The following PRKG1 variants were observed in gnomAD, a reference collection of about 807,000 sequenced individuals.
The protein encoded by PRKG1 is cGMP-dependent protein kinase 1.
PRKG1 carries 35 observed loss-of-function variants against 88.1 expected under a neutral mutation model. That is an observed-to-expected ratio of 0.40 (90% CI 0.30 to 0.53). The LOEUF (loss-of-function observed/expected upper bound fraction) is 0.53, where lower values mean the gene tolerates loss of function less well. Ranked by LOEUF, PRKG1 falls within the 20% of genes least tolerant of loss-of-function variation. The probability of loss-of-function intolerance (pLI) is 0.59; values close to 1 mark genes in which losing one functional copy is unlikely to be tolerated. For synonymous variants in PRKG1, 303 were observed against 292.5 expected (o/e 1.04, Z -0.37); for missense variants, 540 against 839.8 (o/e 0.64, Z 4.41).
Position 51,803,763 on chromosome 10 carries a change from A to C in PRKG1, c.593-822A>C, listed in dbSNP as rs537914204. 2.7e-4 allele frequency among the ~76,000 whole-genome samples: 41 copies of C among 152,274 alleles called. No homozygotes were observed. In the East Asian group the frequency reaches 7.9e-3, roughly 29 times the overall value. The stretch of plus-strand genomic sequence containing the variant: ...CTAGCTTAAAATATTTTATGTCATG[A>C]AAATTTGAAAACATATATAAAAGTA... On this transcript the variant is annotated intron_variant, in intron 3 of 17. Transcript: ENST00000373980.
chr10:51,351,223 A>G (rs1303672488), intron 2 of PRKG1, among the ~76,000 whole-genome samples: 1 of 152,170 alleles, frequency 6.6e-6, no homozygotes, highest in Non-Finnish European at 1.5e-5. Flanking sequence ...AAACATATGC[A>G]TGCATGTGTC....
At chr10:51,804,184 G>A (rs1271400964) in intron 3 of PRKG1, among the ~76,000 whole-genome samples, 1 of 152,040 alleles carries the variant, frequency 6.6e-6, no homozygotes, top group Non-Finnish European at 1.5e-5. Context: ...ATTGTCATAT[G>A]AGTCATTAAC....
intron 9 of PRKG1, among the ~76,000 whole-genome samples, chr10:52,244,659 TAAATA>T (rs1840957548): frequency 7.4e-6 from 1 of 135,216 alleles, no homozygotes; most frequent in Non-Finnish European, 1.6e-5. Flanking sequence ...CTGACAGAAG[TAAATA>T]AAATATTTAT....
At chr10:51,615,080 T>G (rs949773063) in intron 3 of PRKG1, among the ~76,000 whole-genome samples, 12 of 131,066 alleles carry the variant, frequency 9.2e-5, no homozygotes, top group Middle Eastern at 3.9e-3. Flanking sequence ...TATATTCAAC[T>G]TTGAATATAT....
At chr10:51,060,449 G>T (rs1022538407) in intron 1 of PRKG1, among the ~76,000 whole-genome samples, 1 of 151,780 alleles carries the variant, frequency 6.6e-6, no homozygotes, top group Middle Eastern at 3.3e-3. Flanking sequence ...CCATCAATTT[G>T]TTATTTATAC....
intron 1 of PRKG1, among the ~76,000 whole-genome samples, chr10:51,130,804 G>T (rs1845546825): frequency 6.6e-6 from 1 of 152,020 alleles, no homozygotes; most frequent in Non-Finnish European, 1.5e-5. Context: ...TAGGGAGGCT[G>T]AGGCACACAT....
intron 2 of PRKG1, chr10:51,244,841 A>G (rs1188483461): frequency 2.3e-5 from 3 of 132,898 alleles, no homozygotes; most frequent in African/African-American, 6.0e-5. Context: ...AGGTTACCTT[A>G]TCATTTTTTT....
chr10:51,431,646 C>A (rs1451443290), intron 2 of PRKG1, among the ~76,000 whole-genome samples: 1 of 152,084 alleles, frequency 6.6e-6, no homozygotes, highest in Non-Finnish European at 1.5e-5. Flanking sequence ...GGCAGTCTAT[C>A]CTCAGTTGGG....
chr10:51,195,255 G>T (rs961826991), intron 2 of PRKG1, among the ~76,000 whole-genome samples: 10 of 152,152 alleles, frequency 6.6e-5, no homozygotes, highest in African/African-American at 1.9e-4. Context: ...GCTTATTTTA[G>T]TTATATTTGT....
chr10:51,995,257 T>C (rs1234833820), intron 5 of PRKG1, among the ~76,000 whole-genome samples: 1 of 151,954 alleles, frequency 6.6e-6, no homozygotes, highest in Non-Finnish European at 1.5e-5. Context: ...TTGTGTGTGG[T>C]AGGTACTTAA....
intron 4 of PRKG1, among the ~76,000 whole-genome samples, chr10:51,815,681 G>A (rs1423168543): frequency 6.6e-6 from 1 of 151,996 alleles, no homozygotes; most frequent in East Asian, 1.9e-4. Context: ...GTCCTTTTTT[G>A]TTTGTTTGTT....
Position 51,779,046 on chromosome 10 carries a change from A to G in PRKG1, c.593-25539A>G, listed in dbSNP as rs1017187167. Among the ~76,000 whole-genome samples the G allele has an allele frequency of 1.6e-4, 24 of 152,192 alleles. 1 individual carries two copies. Among genetic ancestry groups the G allele is most frequent in the East Asian group, 1.2e-3 (6 of 5,198 alleles). Reference sequence around the variant, plus strand: ...GGAGAAACAGAAGGAACAGAACTTTAAGAAAAGGTTGGGATTGTTAGGTAT... The same window carrying G: ...GGAGAAACAGAAGGAACAGAACTTTGAGAAAAGGTTGGGATTGTTAGGTAT... On this transcript the variant is annotated intron_variant, in intron 3 of 17. Coordinates refer to ENST00000373980, the MANE Select transcript of PRKG1 (RefSeq NM_006258.4).
intron 3 of PRKG1, among the ~76,000 whole-genome samples, chr10:51,581,437 A>C (rs904688908): frequency 6.6e-6 from 1 of 152,132 alleles, no homozygotes; most frequent in African/African-American, 2.4e-5. Context: ...CCATGGCAAG[A>C]TGAGGGCATT....
intron 1 of PRKG1, among the ~76,000 whole-genome samples, chr10:51,014,365 C>T (rs946314235): frequency 2.7e-5 from 4 of 149,570 alleles, no homozygotes; most frequent in African/African-American, 4.9e-5. Flanking sequence ...ATCAGTTTCT[C>T]ATCGCATCAG....
chr10:51,987,361 C>T (rs1251733237), intron 5 of PRKG1, among the ~76,000 whole-genome samples: 1 of 151,262 alleles, frequency 6.6e-6, no homozygotes, highest in Non-Finnish European at 1.5e-5. Flanking sequence ...CTACTGCAGT[C>T]ATCTGGCAAA....
chr10:51,711,188 C>T (rs1841740683), intron 3 of PRKG1, among the ~76,000 whole-genome samples: 1 of 152,144 alleles, frequency 6.6e-6, no homozygotes, highest in African/African-American at 2.4e-5. Context: ...TCACTGCAAG[C>T]TCTGCCTCCC....
intron 3 of PRKG1, among the ~76,000 whole-genome samples, chr10:51,645,797 T>C (rs938318161): frequency 2.0e-5 from 3 of 152,172 alleles, no homozygotes; most frequent in Non-Finnish European, 2.9e-5. Flanking sequence ...CCAGATATTG[T>C]CTTAGCTTTT....
At chr10:51,551,731 T>C (rs188424779) in intron 3 of PRKG1, among the ~76,000 whole-genome samples, 2 of 151,908 alleles carry the variant, frequency 1.3e-5, no homozygotes, top group African/African-American at 4.8e-5. Context: ...AAACTAATAA[T>C]TGAGTGAGAC....
chr10:51,222,057 AT>A (rs1333957489), intron 2 of PRKG1, among the ~76,000 whole-genome samples: 1 of 151,102 alleles, frequency 6.6e-6, no homozygotes, highest in Non-Finnish European at 1.5e-5. Context: ...TTGTATTTGT[AT>A]TAGACACGGG....
Sources: gnomAD v4.1 joint callset for allele counts (sites outside exome capture counted in the v4.1 genomes callset) on GRCh38, gnomAD v4.1.1 for gene constraint, MANE v1.5 for transcripts, NCBI Gene and HGNC (gene_info 2026-07-23, HGNC 2026-07-21) for gene names.